The following SCFD2 variants were observed in gnomAD, a reference collection of about 807,000 sequenced individuals.
SCFD2 encodes the protein sec1 family domain containing 2.
SCFD2 carries 54 observed loss-of-function variants against 58.9 expected under a neutral mutation model. The observed-to-expected ratio is 0.92, with a 90% CI of 0.74 to 1.15. The LOEUF is 1.15. Among genes scored for constraint, SCFD2 ranks in the 50% most tolerant of loss-of-function variants. The pLI is 0.00. For missense variants in SCFD2, 805 were observed against 836.6 expected (o/e 0.96, Z 0.47); for synonymous variants, 321 against 335.9 (o/e 0.96, Z 0.49).
At chr4:53,363,984 T>G (rs2149176687) in intron 1 of SCFD2, among the ~76,000 whole-genome samples, 1 of 152,248 alleles carries the variant, frequency 6.6e-6, no homozygotes, top group East Asian at 1.9e-4. Flanking sequence ...TTTGCTACAT[T>G]TTTGGCATAA....
chr4:52,934,272 C>T (rs1287680666), intron 5 of SCFD2, among the ~76,000 whole-genome samples: 1 of 152,178 alleles, frequency 6.6e-6, no homozygotes, highest in Non-Finnish European at 1.5e-5. Flanking sequence ...CAGGACCAGC[C>T]TTAATGAACA....
chr4:53,300,738 TAACA>T (rs1312842409), intron 3 of SCFD2, among the ~76,000 whole-genome samples: 5 of 152,176 alleles, frequency 3.3e-5, no homozygotes, highest in African/African-American at 9.7e-5. Context: ...ACAGAAATTA[TAACA>T]AACTGTCTCT....
At chr4:52,984,971 C>T (rs959118851) in intron 5 of SCFD2, among the ~76,000 whole-genome samples, 2 of 152,268 alleles carry the variant, frequency 1.3e-5, no homozygotes, top group East Asian at 1.9e-4. Flanking sequence ...ACTTATTAAG[C>T]TGAATTCTGT....
intron 5 of SCFD2, among the ~76,000 whole-genome samples, chr4:52,947,072 C>T (rs1055878784): frequency 1.1e-4 from 17 of 152,146 alleles, no homozygotes; most frequent in African/African-American, 4.1e-4. Context: ...GGCTCCTGCA[C>T]TGTTCTTACA....
intron 5 of SCFD2, among the ~76,000 whole-genome samples, chr4:52,996,427 C>T (rs574293562): frequency 6.6e-6 from 1 of 152,358 alleles, no homozygotes; most frequent in South Asian, 2.1e-4. Flanking sequence ...GTGTTATTTT[C>T]CCTTTTTAAA....
intron 7 of SCFD2, among the ~76,000 whole-genome samples, chr4:52,886,942 T>C (rs1020787813): frequency 2.6e-5 from 4 of 152,236 alleles, no homozygotes; most frequent in African/African-American, 4.8e-5. Context: ...TGCATGGCTC[T>C]GTATATTTCC....
At chr4:52,964,323 G>C (rs1720913614) in intron 5 of SCFD2, among the ~76,000 whole-genome samples, 1 of 152,190 alleles carries the variant, frequency 6.6e-6, no homozygotes. Flanking sequence ...TGGCAGAAGG[G>C]TAAACATGCA....
At chr4:52,928,216 G>A (rs1719906473) in intron 5 of SCFD2, among the ~76,000 whole-genome samples, 1 of 151,988 alleles carries the variant, frequency 6.6e-6, no homozygotes, top group African/African-American at 2.4e-5. Flanking sequence ...CATACCTGTA[G>A]TCTCAGCTGC....
At chr4:53,126,343 G>A (rs1013348568) in intron 5 of SCFD2, among the ~76,000 whole-genome samples, 1 of 152,128 alleles carries the variant, frequency 6.6e-6, no homozygotes, top group Non-Finnish European at 1.5e-5. Flanking sequence ...TGTTTGTTTT[G>A]AGACAGAGTC....
At chr4:52,874,539 T>C (rs1327840327) in intron 8 of SCFD2, among the ~76,000 whole-genome samples, 1 of 152,196 alleles carries the variant, frequency 6.6e-6, no homozygotes, top group Non-Finnish European at 1.5e-5. Flanking sequence ...GATTGTTAGT[T>C]TCCTAGTACC....
intron 1 of SCFD2, among the ~76,000 whole-genome samples, chr4:53,353,148 C>G (rs780546961): frequency 3.3e-5 from 5 of 152,192 alleles, no homozygotes; most frequent in African/African-American, 1.2e-4. Flanking sequence ...GATGTTCGGA[C>G]ATGTTCAGAG....
intron 3 of SCFD2, among the ~76,000 whole-genome samples, chr4:53,311,909 T>C (rs1156384487): frequency 6.6e-6 from 1 of 152,056 alleles, no homozygotes; most frequent in Non-Finnish European, 1.5e-5. Flanking sequence ...GCTAGGATTA[T>C]AGTCGAGAGC....
At chr4:52,899,001 G>A (rs1356894378) in intron 7 of SCFD2, among the ~76,000 whole-genome samples, 1 of 152,052 alleles carries the variant, frequency 6.6e-6, no homozygotes, top group Non-Finnish European at 1.5e-5. Context: ...CCATTTGCTT[G>A]GTAGATCTTC....
rs1441367625 is a variant in SCFD2, at chr4:53,234,163, G to T, written c.1311+39663C>A. On this transcript the variant is annotated intron_variant, in intron 4 of 8. Coordinates refer to ENST00000401642, the MANE Select transcript of SCFD2 (RefSeq NM_152540.4). ...ATAAATCCACATTACAAAAGAAATTGTATGCACATCCAAAAAAAAATATTT... is the reference window on the plus strand; with the variant it reads ...ATAAATCCACATTACAAAAGAAATTTTATGCACATCCAAAAAAAAATATTT... Among the ~76,000 whole-genome samples the T allele has an allele frequency of 5.3e-5, 8 of 152,064 alleles. No individual in the cohort carries two copies. The South Asian group carries it at 1.7e-3, about 32-fold the overall frequency.
chr4:53,011,054 T>G (rs1351751498), intron 5 of SCFD2, among the ~76,000 whole-genome samples: 1 of 152,222 alleles, frequency 6.6e-6, no homozygotes, highest in African/African-American at 2.4e-5. Flanking sequence ...GCACTAGCTA[T>G]GTCTGATTTC....
At chr4:53,213,556 T>A (rs540502639) in intron 4 of SCFD2, among the ~76,000 whole-genome samples, 1 of 152,134 alleles carries the variant, frequency 6.6e-6, no homozygotes, top group Non-Finnish European at 1.5e-5. Flanking sequence ...ATTCAGGAAT[T>A]AAGATGTGCA....
chr4:52,932,758 C>T (rs1035003731), intron 5 of SCFD2, among the ~76,000 whole-genome samples: 4 of 152,122 alleles, frequency 2.6e-5, no homozygotes, highest in Non-Finnish European at 4.4e-5. Flanking sequence ...CCCCAACACA[C>T]ACACAAATCA....
intron 4 of SCFD2, among the ~76,000 whole-genome samples, chr4:53,202,051 TG>T (rs1439427130): frequency 6.6e-6 from 1 of 152,202 alleles, no homozygotes; most frequent in African/African-American, 2.4e-5. Flanking sequence ...TTCTCAATTT[TG>T]GCTTCTGTTG....
intron 3 of SCFD2, among the ~76,000 whole-genome samples, chr4:53,306,093 A>C (rs1732504219): frequency 6.6e-6 from 1 of 152,226 alleles, no homozygotes; most frequent in African/African-American, 2.4e-5. Flanking sequence ...GTAATACAAT[A>C]ATAGTACAAA....
Sources: gnomAD v4.1 joint callset for allele counts (sites outside exome capture counted in the v4.1 genomes callset) on GRCh38, gnomAD v4.1.1 for gene constraint, MANE v1.5 for transcripts, NCBI Gene and HGNC (gene_info 2026-07-23, HGNC 2026-07-21) for gene names.